The following SCN9A variants were observed in gnomAD, a reference collection of about 807,000 sequenced individuals.
SCN9A encodes sodium channel protein type 9 subunit alpha.
In SCN9A, 131 loss-of-function variants were observed where a neutral mutation model predicts 187.0. That is an observed-to-expected ratio of 0.70 (90% CI 0.61 to 0.81). The LOEUF (loss-of-function observed/expected upper bound fraction) is 0.81, where lower values mean the gene tolerates loss of function less well. SCN9A is among the 30% of genes least tolerant of loss of function. The pLI, the probability that SCN9A is intolerant of heterozygous loss-of-function variation, is 0.00. For synonymous variants in SCN9A, 809 were observed against 808.6 expected, an observed-to-expected ratio of 1.00 and a Z score of -0.01; for missense variants, 2,252 against 2,396.6, an observed-to-expected ratio of 0.94 and a Z score of 1.26.
At chr2:166,295,627 G>A (rs918462790) in intron 7 of SCN9A, among the ~76,000 whole-genome samples, 4 of 152,238 alleles carry the variant, frequency 2.6e-5, no homozygotes, top group Middle Eastern at 6.8e-3. Flanking sequence ...TATATGGTCC[G>A]CTATTGACTA....
At position 166,197,084 on chromosome 2, in the gene SCN9A, A is replaced by C. The variant is rs1693267716; in HGVS notation, c.*1588T>G. 6.6e-6 allele frequency: 1 copy of C among 152,064 alleles called. No individual in the cohort carries two copies. Among genetic ancestry groups the C allele is most frequent in the Non-Finnish European group, 1.5e-5 (1 of 67,964 alleles). 9.4% of individuals were successfully genotyped at this position (152,064 alleles called of 1,614,324 possible). On this transcript the variant is annotated 3_prime_UTR_variant, in exon 27 of 27. Coordinates refer to ENST00000642356, the MANE Select transcript of SCN9A (RefSeq NM_001365536.1). ...AATTTATTATTTTTTAAATATGGAA[A>C]GCAAATTAGTGAAAGTTGTTTTATA... is the stretch of plus-strand genomic sequence containing the variant.
At chr2:166,329,454 C>G (rs915753404) in intron 1 of SCN9A, among the ~76,000 whole-genome samples, 6 of 151,476 alleles carry the variant, frequency 4.0e-5, no homozygotes, top group African/African-American at 1.2e-4. Context: ...TTAAGGTATA[C>G]AACATGATGC....
chr2:166,273,722 A>G (rs1268987435), intron 16 of SCN9A, among the ~76,000 whole-genome samples: 4 of 152,122 alleles, frequency 2.6e-5, no homozygotes, highest in African/African-American at 9.7e-5. Context: ...ATATTTAAAC[A>G]TTGTTTTATC....
At chr2:166,366,996 G>C (rs780879054) in intron 1 of SCN9A, among the ~76,000 whole-genome samples, 1 of 152,138 alleles carries the variant, frequency 6.6e-6, no homozygotes, top group Non-Finnish European at 1.5e-5. Flanking sequence ...AGATAATTGA[G>C]TCTTCATGAC....
Position 166,310,340 on chromosome 2 carries a change from G to A in SCN9A, c.258+1159C>T, listed in dbSNP as rs1477562646. On this transcript the variant is annotated intron_variant, in intron 2 of 26. Transcript: ENST00000642356. Reference sequence around the variant, plus strand: ...ACCTACAAAATGGGAGACAATTTTCGCAACCTACTCATCTGACAAAAGGCT... The same window carrying A: ...ACCTACAAAATGGGAGACAATTTTCACAACCTACTCATCTGACAAAAGGCT... Among the ~76,000 whole-genome samples the A allele has an allele frequency of 4.8e-5, 4 of 82,494 alleles. 1 individual carries two copies. The highest frequency in any genetic ancestry group is 6.8e-4 in the South Asian group (2 of 2,938). 54.1% of individuals were successfully genotyped at this position (82,494 alleles called of 152,430 possible).
intron 26 of SCN9A, among the ~76,000 whole-genome samples, chr2:166,200,536 TTATCAA>T (rs1179872056): frequency 6.6e-6 from 1 of 152,104 alleles, no homozygotes; most frequent in Non-Finnish European, 1.5e-5. Flanking sequence ...ACAATAACTA[TTATCAA>T]TATTTTTTTG....
Position 166,366,238 on chromosome 2 carries a change from G to T in SCN9A, c.-51+9459C>A, listed in dbSNP as rs112945476. On this transcript the variant is annotated intron_variant, in intron 1 of 26. Transcript: ENST00000642356. ...GCTTTAACTTTGTTTTTTCTTATCT[G>T]CCAGTCTACCTGTTAAGCATATCTG... 9.4e-3 allele frequency among the ~76,000 whole-genome samples: 1,433 copies of T among 152,200 alleles called. 25 individuals are homozygous for T. The highest frequency in any genetic ancestry group is 0.031 in the African/African-American group (1,304 of 41,518).
intron 19 of SCN9A, among the ~76,000 whole-genome samples, chr2:166,239,516 G>C (rs759245687): frequency 6.6e-6 from 1 of 152,126 alleles, no homozygotes; most frequent in Non-Finnish European, 1.5e-5. Flanking sequence ...AAAGAGACAA[G>C]TTGGGGCAGA....
intron 9 of SCN9A, among the ~76,000 whole-genome samples, chr2:166,292,575 G>T (rs1286738906): frequency 6.6e-6 from 1 of 152,006 alleles, no homozygotes; most frequent in Non-Finnish European, 1.5e-5. Flanking sequence ...TCATTGTTAT[G>T]TGTACTATAG....
chr2:166,372,516 G>C (rs1420908204), intron 1 of SCN9A, among the ~76,000 whole-genome samples: 1 of 152,004 alleles, frequency 6.6e-6, no homozygotes, highest in Non-Finnish European at 1.5e-5. Context: ...AACCATATTA[G>C]TTTATGCAAT....
intron 24 of SCN9A, among the ~76,000 whole-genome samples, chr2:166,210,092 T>C (rs1407854192): frequency 2.6e-5 from 4 of 151,814 alleles, no homozygotes; most frequent in African/African-American, 9.7e-5. Flanking sequence ...ATTAAGAAAA[T>C]ATGGCACATA....
intron 1 of SCN9A, among the ~76,000 whole-genome samples, chr2:166,371,822 T>A (rs1039150744): frequency 1.3e-5 from 2 of 152,140 alleles, no homozygotes; most frequent in African/African-American, 4.8e-5. Flanking sequence ...CCACAATATG[T>A]CCTCTTCAGA....
At chr2:166,238,311 T>G (rs1473507519) in intron 19 of SCN9A, 44 bp from the exon 20 acceptor site, 2 of 1,245,768 alleles carry the variant, frequency 1.6e-6, no homozygotes, top group Admixed American at 2.8e-5. Flanking sequence ...CAACTTAAGC[T>G]TCATGATTCA....
intron 1 of SCN9A, among the ~76,000 whole-genome samples, chr2:166,368,059 C>A (rs1224307576): frequency 6.6e-6 from 1 of 152,082 alleles, no homozygotes; most frequent in African/African-American, 2.4e-5. Context: ...TATGTGCAAA[C>A]GTATTCTTGG....
chr2:166,341,531 G>T (rs894014366), intron 1 of SCN9A, among the ~76,000 whole-genome samples: 12 of 152,294 alleles, frequency 7.9e-5, no homozygotes, highest in Admixed American at 2.6e-4. Flanking sequence ...TGTTTTAAAA[G>T]GCACTAGTTT....
chr2:166,205,410 GA>G (rs1491002625), intron 24 of SCN9A, among the ~76,000 whole-genome samples: 1 of 152,148 alleles, frequency 6.6e-6, no homozygotes, highest in African/African-American at 2.4e-5. Context: ...AAGCAACGGG[GA>G]AAGGCTTCCC....
chr2:166,326,456 T>A (rs1033665281), intron 1 of SCN9A, among the ~76,000 whole-genome samples: 1 of 152,194 alleles, frequency 6.6e-6, no homozygotes, highest in Admixed American at 6.5e-5. Context: ...CTACCCTAGC[T>A]GTCAGGGTTA....
intron 1 of SCN9A, among the ~76,000 whole-genome samples, chr2:166,323,040 C>A (rs1034894422): frequency 6.6e-6 from 1 of 152,052 alleles, no homozygotes; most frequent in African/African-American, 2.4e-5. Flanking sequence ...ATCATTTCAC[C>A]TTTGTTGTTT....
In SCN9A at chr2:166,311,716, T is replaced by C. The variant is rs201000497; in HGVS notation, c.41A>G (p.His14Arg). Reference sequence around the variant, plus strand: ...GAGGGCAAGAGACTGTTTTGTGAAATGGACAAAGCTCTGAGGTCCTGGGGG... The same window carrying C: ...GAGGGCAAGAGACTGTTTTGTGAAACGGACAAAGCTCTGAGGTCCTGGGGG... The part of the protein sequence containing the change: ...LPPPGPQSFV[H>R]FTKQSLALIE... Residue 14 changes from histidine (H) to arginine (R), a missense_variant, in exon 2 of 27, where the codon CAT becomes CGT. Around this residue, in one of 7 missense-constraint regions of SCN9A, gnomAD observed 1,013 missense variants for 997.4 expected, o/e 1.02. Transcript: ENST00000642356. 1.2e-6 allele frequency: 2 copies of C among 1,611,390 alleles called. No individual in the cohort carries two copies. The highest frequency in any genetic ancestry group is 1.3e-5 in the African/African-American group (1 of 74,964).
Sources: allele counts gnomAD v4.1 joint callset (sites outside exome capture counted in the v4.1 genomes callset), GRCh38; gene constraint gnomAD v4.1.1; regional missense constraint gnomAD v4.1.1; transcripts MANE v1.5; gene names NCBI Gene and HGNC (gene_info 2026-07-23, HGNC 2026-07-21).